The following SAMSN1 variants were observed in gnomAD, a reference collection of about 807,000 sequenced individuals.
SAMSN1 encodes the protein SAM domain-containing protein SAMSN-1.
Under a neutral mutation model 42.0 loss-of-function variants are expected in SAMSN1, and 31 were observed. That is an observed-to-expected ratio of 0.74 (90% CI 0.55 to 1.00). The LOEUF (loss-of-function observed/expected upper bound fraction) is 1.00, where lower values mean the gene tolerates loss of function less well. SAMSN1 is among the 50% of genes least tolerant of loss of function. The pLI is 0.00. For missense variants in SAMSN1, 464 were observed against 439.4 expected (o/e 1.06, Z -0.50); for synonymous variants, 178 against 151.9 (o/e 1.17, Z -1.26).
At chr21:14,534,919 C>A (rs1336399588) in intron 1 of SAMSN1, among the ~76,000 whole-genome samples, 1 of 152,028 alleles carries the variant, frequency 6.6e-6, no homozygotes, top group Non-Finnish European at 1.5e-5. Context: ...CTAGACTGAC[C>A]CTAATACACT....
chr21:14,498,428 G>T lies in SAMSN1; in HGVS notation c.919+14C>A. On this transcript the variant is annotated intron_variant, in intron 7 of 7. Transcript: ENST00000400566. ...GATTATCAGCTGGGGAGAAGAGTAG[G>T]TGTACACACTTACTTTCTTCTTCAA... 6.2e-7 allele frequency: 1 copy of T among 1,603,554 alleles called. No homozygotes were observed. The highest frequency in any genetic ancestry group is 8.5e-7 in the Non-Finnish European group (1 of 1,175,354).
chr21:14,654,772 C>A (rs1408046174), intron 1 of SAMSN1, among the ~76,000 whole-genome samples: 1 of 151,628 alleles, frequency 6.6e-6, no homozygotes, highest in Non-Finnish European at 1.5e-5. Context: ...CAATGTAAGC[C>A]CTGGTTTTTA....
chr21:14,501,679 G>T (rs750527897), intron 5 of SAMSN1, among the ~76,000 whole-genome samples: 8 of 146,402 alleles, frequency 5.5e-5, no homozygotes, highest in Non-Finnish European at 1.0e-4. Context: ...CTAAAATAAA[G>T]AAATTTTGCA....
intron 2 of SAMSN1, among the ~76,000 whole-genome samples, chr21:14,622,952 TG>T (rs1983054612): frequency 1.3e-5 from 2 of 151,942 alleles, no homozygotes; most frequent in Non-Finnish European, 2.9e-5. Flanking sequence ...CAGAAGAGAG[TG>T]GGGGCCAATA....
chr21:14,610,596 C>T (rs186159186), intron 4 of SAMSN1, among the ~76,000 whole-genome samples: 138 of 152,248 alleles, frequency 9.1e-4, no homozygotes, highest in African/African-American at 3.0e-3. Context: ...GTTTGTGGCT[C>T]GGGGGCATCA....
intron 2 of SAMSN1, among the ~76,000 whole-genome samples, chr21:14,557,267 TTCC>T (rs1980791496): frequency 6.6e-6 from 1 of 152,202 alleles, no homozygotes; most frequent in Non-Finnish European, 1.5e-5. Context: ...AGTCTCAAAT[TTCC>T]TCATTAATTA....
intron 1 of SAMSN1, chr21:14,643,142 C>A: frequency 1.4e-6 from 1 of 716,174 alleles, no homozygotes. Context: ...TCCTGCAATA[C>A]AGAGATTTAT....
intron 2 of SAMSN1, among the ~76,000 whole-genome samples, chr21:14,621,509 G>T (rs1420868754): frequency 6.6e-6 from 1 of 152,194 alleles, no homozygotes; most frequent in African/African-American, 2.4e-5. Flanking sequence ...CCCACACCTG[G>T]CTCAGAGGAT....
intron 2 of SAMSN1, among the ~76,000 whole-genome samples, chr21:14,627,910 G>T (rs1456386203): frequency 7.9e-5 from 12 of 152,144 alleles, no homozygotes; most frequent in African/African-American, 9.7e-5. Flanking sequence ...CAGAAAAGGG[G>T]TTTGTGTTCC....
chr21:14,586,276 A>AG (rs1981915144), upstream of SAMSN1, among the ~76,000 whole-genome samples: 3 of 148,476 alleles, frequency 2.0e-5, no homozygotes, highest in Non-Finnish European at 1.5e-5. Flanking sequence ...AAAAAAAAAA[A>AG]AAGAAAAAGA....
At chr21:14,608,394 G>C (rs1364505367) in intron 5 of SAMSN1, among the ~76,000 whole-genome samples, 1 of 152,174 alleles carries the variant, frequency 6.6e-6, no homozygotes, top group Non-Finnish European at 1.5e-5. Flanking sequence ...AAATTCAGCT[G>C]TCCACTACAG....
At chr21:14,637,986 A>C (rs1381889347) in intron 2 of SAMSN1, among the ~76,000 whole-genome samples, 3 of 152,178 alleles carry the variant, frequency 2.0e-5, no homozygotes, top group Admixed American at 1.3e-4. Flanking sequence ...GATAAGGATT[A>C]AAGATCCTGG....
chr21:14,565,239 T>A (rs1981075190), intron 2 of SAMSN1, among the ~76,000 whole-genome samples: 1 of 144,518 alleles, frequency 6.9e-6, no homozygotes, highest in African/African-American at 2.6e-5. Flanking sequence ...GAGGTTGCAG[T>A]GAGCTGAGAT....
chr21:14,487,347 TTA>T (rs147033881), intron 7 of SAMSN1, among the ~76,000 whole-genome samples: 13,840 of 150,158 alleles, frequency 0.092, 740 homozygotes, highest in South Asian at 0.17. Context: ...TATTTATTTT[TTA>T]TATATATATA....
intron 1 of SAMSN1, 98 bp downstream of exon 1, chr21:14,546,107 C>A: frequency 9.3e-7 from 1 of 1,071,518 alleles, no homozygotes; most frequent in Non-Finnish European, 1.4e-6. Context: ...TGACTTATGA[C>A]TGACAGATGA....
chr21:14,614,538 T>C (rs1982785146), intron 3 of SAMSN1, among the ~76,000 whole-genome samples: 1 of 152,210 alleles, frequency 6.6e-6, no homozygotes, highest in South Asian at 2.1e-4. Flanking sequence ...TTCATATTCT[T>C]GATAGTCATG....
At chr21:14,644,850 T>A (rs1370408446) in intron 1 of SAMSN1, among the ~76,000 whole-genome samples, 8 of 152,074 alleles carry the variant, frequency 5.3e-5, no homozygotes. Context: ...TTAAGAGACC[T>A]TGGGCCTTAA....
intron 4 of SAMSN1, 100 bp from the exon 5 acceptor site, chr21:14,510,561 G>A: frequency 1.5e-6 from 2 of 1,353,748 alleles, no homozygotes; most frequent in South Asian, 1.3e-5. Context: ...AACACTGGAT[G>A]CCAGGCTCCT....
At chr21:14,559,934 C>T (rs1980892386) in intron 2 of SAMSN1, among the ~76,000 whole-genome samples, 1 of 152,130 alleles carries the variant, frequency 6.6e-6, no homozygotes, top group Non-Finnish European at 1.5e-5. Flanking sequence ...AGGAGGTGGT[C>T]TCATCTTATT....
Sources: gnomAD v4.1 joint callset for allele counts (sites outside exome capture counted in the v4.1 genomes callset) on GRCh38, gnomAD v4.1.1 for gene constraint, MANE v1.5 for transcripts, NCBI Gene and HGNC (gene_info 2026-07-23, HGNC 2026-07-21) for gene names.